LRRC4C: variants seen among roughly 807,000 people sequenced by gnomAD.
LRRC4C encodes the protein leucine rich repeat containing 4C.
Under a neutral mutation model 33.6 loss-of-function variants are expected in LRRC4C, and 5 were observed. That is an observed-to-expected ratio of 0.15 (90% CI 0.08 to 0.31). LRRC4C has a LOEUF of 0.31. LRRC4C is among the 10% of genes least tolerant of loss of function. LRRC4C has a pLI of 1.00. For missense variants in LRRC4C, 560 were observed against 796.7 expected, an observed-to-expected ratio of 0.70 and a Z score of 3.58; for synonymous variants, 329 against 302.0, an observed-to-expected ratio of 1.09 and a Z score of -0.93.
At chr11:40,445,200 G>C (rs553041274) in intron 3 of LRRC4C, 1 of 152,242 alleles carries the variant, frequency 6.6e-6, no homozygotes, top group Non-Finnish European at 1.5e-5. Flanking sequence ...GAAATGCAAA[G>C]TGTGTGTCCT....
chr11:41,378,341 A>AT (rs1421373422), intron 1 of LRRC4C, among the ~76,000 whole-genome samples: 1 of 152,102 alleles, frequency 6.6e-6, no homozygotes, highest in Admixed American at 6.6e-5. Flanking sequence ...TCCATTTCAC[A>AT]TTTTTTTCTT....
chr11:40,198,310 T>C (rs557477093), intron 5 of LRRC4C, among the ~76,000 whole-genome samples: 121 of 152,336 alleles, frequency 7.9e-4, no homozygotes, highest in African/African-American at 2.9e-3. Context: ...TTCTAACTCA[T>C]AAATCTACAG....
In LRRC4C at chr11:40,352,118, CCTTCCTTCCT is replaced by C. The variant is rs1947426936; in HGVS notation, c.-269-32407_-269-32398del. 5.0e-4 allele frequency among the ~76,000 whole-genome samples: 6 copies of C among 11,954 alleles called. No individual in the cohort carries two copies. In the Admixed American group the frequency reaches 5.2e-3, roughly 10 times the overall value. The allele number at this position is 11,954 out of a possible 152,430, so 7.8% of individuals were successfully genotyped here. On this transcript the variant is annotated intron_variant, in intron 3 of 6. Transcript: ENST00000528697. ...TCCTTTTTTCCTTTCTTTCTTCCTT[CCTTCCTTCCT>C]TCCTTCCTTCCTTCCTTCCTTCCTT...
chr11:41,273,148 G>C (rs1157867931), intron 1 of LRRC4C, among the ~76,000 whole-genome samples: 1 of 152,128 alleles, frequency 6.6e-6, no homozygotes, highest in Admixed American at 6.6e-5. Flanking sequence ...TATAACAAAT[G>C]TTAGTGAGGA....
chr11:40,460,670 T>C (rs942501374), intron 3 of LRRC4C, among the ~76,000 whole-genome samples: 1 of 152,208 alleles, frequency 6.6e-6, no homozygotes, highest in Admixed American at 6.5e-5. Flanking sequence ...TTTTGAAGGA[T>C]GTGATAAAAT....
intron 3 of LRRC4C, among the ~76,000 whole-genome samples, chr11:40,500,301 C>T (rs61886210): frequency 0.067 from 7,612 of 112,824 alleles, 235 homozygotes; most frequent in African/African-American, 0.12. Flanking sequence ...TATACACACA[C>T]ACACACACAC....
intron 1 of LRRC4C, among the ~76,000 whole-genome samples, chr11:41,130,672 C>G (rs958659774): frequency 6.6e-6 from 1 of 151,956 alleles, no homozygotes; most frequent in Admixed American, 6.6e-5. Flanking sequence ...AATATACATT[C>G]ATTTGCCAAT....
chr11:40,450,314 T>C (rs1951826751), intron 3 of LRRC4C, among the ~76,000 whole-genome samples: 2 of 152,288 alleles, frequency 1.3e-5, no homozygotes, highest in African/African-American at 2.4e-5. Context: ...TTAAATAGTT[T>C]TGTTGTTAAT....
chr11:40,702,271 C>A (rs1945898577), intron 2 of LRRC4C, among the ~76,000 whole-genome samples: 1 of 152,006 alleles, frequency 6.6e-6, no homozygotes, highest in Non-Finnish European at 1.5e-5. Context: ...AACACCATAG[C>A]AACAGGGCAC....
intron 1 of LRRC4C, among the ~76,000 whole-genome samples, chr11:41,364,882 T>C (rs1952479331): frequency 6.6e-6 from 1 of 152,138 alleles, no homozygotes; most frequent in South Asian, 2.1e-4. Flanking sequence ...CCCTTTAACA[T>C]GGCTGATATC....
At chr11:40,805,020 T>C (rs1486861982) in intron 2 of LRRC4C, among the ~76,000 whole-genome samples, 3 of 152,188 alleles carry the variant, frequency 2.0e-5, no homozygotes, top group Admixed American at 2.0e-4. Context: ...ATAATGATAA[T>C]ATTTTAATTG....
intron 4 of LRRC4C, among the ~76,000 whole-genome samples, chr11:40,282,567 A>G (rs1198300893): frequency 6.6e-6 from 1 of 151,984 alleles, no homozygotes; most frequent in Non-Finnish European, 1.5e-5. Context: ...ATTAGAGATT[A>G]ATAATATTAA....
intron 1 of LRRC4C, among the ~76,000 whole-genome samples, chr11:40,938,816 C>T (rs568582094): frequency 2.4e-4 from 36 of 152,218 alleles, no homozygotes; most frequent in African/African-American, 8.7e-4. Context: ...GCACAAATTT[C>T]AAGCTCTTCT....
chr11:41,414,426 C>A (rs1196143483), intron 1 of LRRC4C, among the ~76,000 whole-genome samples: 1 of 152,138 alleles, frequency 6.6e-6, no homozygotes, highest in Non-Finnish European at 1.5e-5. Context: ...ACAGAAAATA[C>A]CTCTGGGATT....
At chr11:40,467,882 T>C (rs756575471) in intron 3 of LRRC4C, among the ~76,000 whole-genome samples, 1 of 151,938 alleles carries the variant, frequency 6.6e-6, no homozygotes, top group Non-Finnish European at 1.5e-5. Context: ...ACTGCCATTT[T>C]TTATTTGTTT....
chr11:41,027,871 G>T (rs1856481968), intron 1 of LRRC4C, among the ~76,000 whole-genome samples: 1 of 151,610 alleles, frequency 6.6e-6, no homozygotes, highest in Admixed American at 6.6e-5. Context: ...TTTTCTTCAT[G>T]TTGCTATCTC....
intron 5 of LRRC4C, among the ~76,000 whole-genome samples, chr11:40,234,888 T>A (rs1183611792): frequency 1.3e-5 from 2 of 152,158 alleles, no homozygotes; most frequent in East Asian, 1.9e-4. Flanking sequence ...AAATCAAAAC[T>A]TTTTTTAGAC....
intron 1 of LRRC4C, among the ~76,000 whole-genome samples, chr11:41,314,862 A>G (rs1412410193): frequency 3.3e-5 from 5 of 152,180 alleles, no homozygotes; most frequent in African/African-American, 1.2e-4. Context: ...CTGACTCACA[A>G]GGAATTTTCA....
At chr11:40,351,063 A>C (rs1232362669) in intron 3 of LRRC4C, among the ~76,000 whole-genome samples, 1 of 151,936 alleles carries the variant, frequency 6.6e-6, no homozygotes, top group African/African-American at 2.4e-5. Flanking sequence ...ATTCTAATTT[A>C]AGTGCCCTTT....
Sources: allele counts gnomAD v4.1 joint callset (sites outside exome capture counted in the v4.1 genomes callset), GRCh38; gene constraint gnomAD v4.1.1; transcripts MANE v1.5; gene names NCBI Gene and HGNC (gene_info 2026-07-23, HGNC 2026-07-21).